ADGRV1: variants seen among roughly 807,000 people sequenced by gnomAD.
The protein encoded by ADGRV1 is adhesion G protein-coupled receptor V1.
A neutral mutation model predicts 596.2 loss-of-function variants in ADGRV1; 359 were observed. The observed-to-expected ratio is 0.60, with a 90% CI of 0.55 to 0.66. The LOEUF is 0.66. Among genes scored for constraint, ADGRV1 ranks in the 30% least tolerant of loss-of-function variants. The pLI, the probability that ADGRV1 is intolerant of heterozygous loss-of-function variation, is 0.00. For synonymous variants in ADGRV1, 2,681 were observed against 2,679.2 expected (o/e 1.00, Z -0.02); for missense variants, 7,274 against 7,575.6 (o/e 0.96, Z 1.48).
intron 1 of ADGRV1, among the ~76,000 whole-genome samples, chr5:90,577,614 C>T (rs956181949): frequency 3.3e-5 from 5 of 151,988 alleles, no homozygotes; most frequent in Non-Finnish European, 7.4e-5. Context: ...TTTTTTGGTT[C>T]CATATGAAGT....
intron 84 of ADGRV1, among the ~76,000 whole-genome samples, chr5:90,972,463 C>T (rs1209699567): frequency 1.3e-5 from 2 of 152,114 alleles, no homozygotes; most frequent in African/African-American, 4.8e-5. Flanking sequence ...TAAAGCACTC[C>T]TCAGCAAATG....
At chr5:90,957,004 C>G (rs1159847616) in intron 83 of ADGRV1, among the ~76,000 whole-genome samples, 1 of 151,600 alleles carries the variant, frequency 6.6e-6, no homozygotes, top group Admixed American at 6.6e-5. Flanking sequence ...GAAAAAGATG[C>G]TAGCCCAGAA....
intron 83 of ADGRV1, among the ~76,000 whole-genome samples, chr5:90,868,987 A>C (rs1768404793): frequency 6.6e-6 from 1 of 152,144 alleles, no homozygotes; most frequent in African/African-American, 2.4e-5. Flanking sequence ...CTCATCTATC[A>C]TATGTACAAT....
Position 90,788,165 on chromosome 5 carries a change from G to A in ADGRV1, c.13748G>A (p.Gly4583Glu). The change falls in exon 68 of 90, where the codon GGA (glycine) becomes GAA (glutamate). Residue 4583 changes from glycine to glutamate, a missense_variant. By Grantham distance (98) the Gly-to-Glu change is moderately conservative (BLOSUM62 -2). Around this residue, in one of 5 missense-constraint regions of ADGRV1, gnomAD observed 3,643 missense variants for 3,809.2 expected, o/e 0.96. Coordinates refer to ENST00000405460, the MANE Select transcript of ADGRV1 (RefSeq NM_032119.4). ...CCAGTGAGCGGGTTGTTCTATTTTG[G>A]AGAAGGAGAAGGAGGAGTGAGAACC... is the stretch of plus-strand genomic sequence containing the variant. Reference protein sequence around the residue: ...ADPVSGLFYFGEGEGGVRTII... With the variant: ...ADPVSGLFYFEEGEGGVRTII... 3 of 1,613,798 alleles carry A rather than the reference G, an allele frequency of 1.9e-6. No individual in the cohort carries two copies. Among genetic ancestry groups the A allele is most frequent in the East Asian group, 2.2e-5 (1 of 44,870 alleles).
At chr5:90,938,540 C>G (rs1055876315) in intron 83 of ADGRV1, among the ~76,000 whole-genome samples, 1 of 152,148 alleles carries the variant, frequency 6.6e-6, no homozygotes, top group Admixed American at 6.5e-5. Flanking sequence ...TTTCTGTGAT[C>G]TAGTCTGGAT....
At chr5:91,099,051 T>C (rs1303521166) in intron 86 of ADGRV1, among the ~76,000 whole-genome samples, 1 of 152,182 alleles carries the variant, frequency 6.6e-6, no homozygotes, top group Non-Finnish European at 1.5e-5. Context: ...TTTCATTAAA[T>C]AAAAATGAAT....
Position 90,811,185 on chromosome 5 carries a change from G to A in ADGRV1, c.15925G>A (p.Glu5309Lys), listed in dbSNP as rs1178215841. 1 of 1,613,592 alleles carries A rather than the reference G, an allele frequency of 6.2e-7. No homozygotes were observed. The highest frequency in any genetic ancestry group is 1.7e-5 in the Admixed American group (1 of 59,962). ...LTLIFLDGER[E>K]RKVSVQILDD... The stretch of plus-strand genomic sequence containing the variant: ...CCTTATATTCCTAGATGGAGAAAGA[G>A]AACGTAAAGTATCAGTTCAAATTTT... Residue 5309 changes from glutamate to lysine, a missense_variant, in exon 74 of 90, where the codon GAA becomes AAA. Around this residue, in one of 5 missense-constraint regions of ADGRV1, gnomAD observed 1,874 missense variants for 1,970.2 expected, o/e 0.95. Transcript: ENST00000405460.
chr5:90,958,623 C>T (rs943176713), intron 83 of ADGRV1, among the ~76,000 whole-genome samples: 1 of 152,120 alleles, frequency 6.6e-6, no homozygotes, highest in Non-Finnish European at 1.5e-5. Context: ...AGGCCTCTCT[C>T]CTTGGCTTTT....
chr5:90,725,262 A>G lies in ADGRV1; in HGVS notation c.10053+30A>G, dbSNP rs200946467. 4.9e-5 allele frequency: 58 copies of G among 1,191,730 alleles called. 1 individual carries two copies. In the East Asian group the frequency reaches 1.5e-3, roughly 32 times the overall value. The allele number at this position is 1,191,730 out of a possible 1,614,324, so 73.8% of individuals were successfully genotyped here. On this transcript the variant is annotated intron_variant, in intron 47 of 89. Transcript: ENST00000405460. ...AAACATTTTCATTTTTAAATAGATTACTTTCTTTAAAAGAAATTAAGATTT... is the reference window on the plus strand; with the variant it reads ...AAACATTTTCATTTTTAAATAGATTGCTTTCTTTAAAAGAAATTAAGATTT...
chr5:90,970,181 G>T (rs962597585), intron 84 of ADGRV1, among the ~76,000 whole-genome samples: 2 of 152,236 alleles, frequency 1.3e-5, no homozygotes, highest in Admixed American at 1.3e-4. Context: ...TGGGGGAGGG[G>T]TGCCCACCAT....
intron 83 of ADGRV1, among the ~76,000 whole-genome samples, chr5:90,910,008 T>TGAA (rs1312582294): frequency 2.0e-5 from 3 of 152,254 alleles, no homozygotes; most frequent in Non-Finnish European, 4.4e-5. Flanking sequence ...GGAAAGAGTA[T>TGAA]GAACTCCGCG....
At chr5:91,155,083 A>G (rs568070229) in intron 89 of ADGRV1, among the ~76,000 whole-genome samples, 19 of 152,346 alleles carry the variant, frequency 1.2e-4, no homozygotes, top group Non-Finnish European at 2.6e-4. Context: ...TTTGCTAGAT[A>G]TTGCTGAATC....
intron 21 of ADGRV1, among the ~76,000 whole-genome samples, chr5:90,662,595 T>G (rs948518739): frequency 6.6e-6 from 1 of 152,038 alleles, no homozygotes; most frequent in Non-Finnish European, 1.5e-5. Flanking sequence ...GTAGTTTTTT[T>G]TTTCTTTTTT....
At chr5:90,714,934 A>T (rs373284312) in intron 42 of ADGRV1, among the ~76,000 whole-genome samples, 8 of 152,320 alleles carry the variant, frequency 5.3e-5, no homozygotes, top group South Asian at 4.1e-4. Context: ...TCCTTAAAAA[A>T]GTCTCTTTCA....
chr5:90,816,241 T>C (rs1464029096), intron 75 of ADGRV1, among the ~76,000 whole-genome samples: 2 of 152,150 alleles, frequency 1.3e-5, no homozygotes, highest in East Asian at 3.9e-4. Context: ...AGTGGAAGTG[T>C]TGTTTCTTTA....
chr5:90,922,455 C>A (rs1773967095), intron 83 of ADGRV1, among the ~76,000 whole-genome samples: 1 of 152,154 alleles, frequency 6.6e-6, no homozygotes. Flanking sequence ...ATATTCTATA[C>A]TTTGAACACA....
At chr5:90,598,130 G>GA (rs927297848) in intron 1 of ADGRV1, among the ~76,000 whole-genome samples, 1 of 152,164 alleles carries the variant, frequency 6.6e-6, no homozygotes, top group African/African-American at 2.4e-5. Flanking sequence ...TTTTTCTTAG[G>GA]AAAAAACTCA....
intron 1 of ADGRV1, among the ~76,000 whole-genome samples, chr5:90,582,548 C>G (rs556515315): frequency 1.3e-5 from 2 of 151,890 alleles, no homozygotes; most frequent in Non-Finnish European, 2.9e-5. Context: ...TTGATAAATC[C>G]TACTCCACTC....
rs771095973 is a variant in ADGRV1, at chr5:90,672,597, G to A, written c.4804G>A (p.Ala1602Thr). ...ISCVVERTRGALDYVHVFYTI... is the reference protein window; with the variant it reads ...ISCVVERTRGTLDYVHVFYTI... ...TTGTGTGGTTGAGAGAACCAGAGGAGCTCTGGATTATGTGCATGTTTTTTA... is the reference window on the plus strand; with the variant it reads ...TTGTGTGGTTGAGAGAACCAGAGGAACTCTGGATTATGTGCATGTTTTTTA... Residue 1602 changes from alanine to threonine, a missense_variant, in exon 22 of 90, where the codon GCT becomes ACT. Physicochemically the swap from Ala to Thr is moderately conservative, Grantham distance 58. Around this residue, in one of 5 missense-constraint regions of ADGRV1, gnomAD observed 3,643 missense variants for 3,809.2 expected, o/e 0.96. Coordinates refer to ENST00000405460, the MANE Select transcript of ADGRV1 (RefSeq NM_032119.4). 6.2e-7 allele frequency: 1 copy of A among 1,613,556 alleles called. No homozygotes were observed. The highest frequency in any genetic ancestry group is 1.3e-5 in the African/African-American group (1 of 75,032).
Sources: gnomAD v4.1 joint callset for allele counts (sites outside exome capture counted in the v4.1 genomes callset) on GRCh38, gnomAD v4.1.1 for gene constraint, gnomAD v4.1.1 regional missense constraint, MANE v1.5 for transcripts, NCBI Gene and HGNC (gene_info 2026-07-23, HGNC 2026-07-21) for gene names.